The following HIPK3 variants were observed in gnomAD, a reference collection of about 807,000 sequenced individuals.
The protein encoded by HIPK3 is homeodomain-interacting protein kinase 3.
HIPK3 carries 47 observed loss-of-function variants against 124.2 expected under a neutral mutation model. That is an observed-to-expected ratio of 0.38 (90% CI 0.30 to 0.48). The LOEUF is 0.48. Among genes scored for constraint, HIPK3 ranks in the 20% least tolerant of loss-of-function variants. The pLI is 0.98. For missense variants in HIPK3, 1,286 were observed against 1,454.3 expected, an observed-to-expected ratio of 0.88 and a Z score of 1.88; for synonymous variants, 482 against 515.2, an observed-to-expected ratio of 0.94 and a Z score of 0.87.
At position 33,338,786 on chromosome 11, in the gene HIPK3, A is replaced by C. The variant is rs756677046; in HGVS notation, c.1371A>C (p.Gly457=). 3 of 1,612,266 alleles carry C rather than the reference A, an allele frequency of 1.9e-6. No homozygotes were observed. The African/African-American group carries it at 4.0e-5, about 22-fold the overall frequency. The change falls in exon 5 of 17, where the codon GGA becomes GGC. Residue 457 remains glycine (G), a synonymous_variant. Coordinates refer to ENST00000303296, the MANE Select transcript of HIPK3 (RefSeq NM_005734.5). ...TGGAAGAGCATGAGGCAGAGACAGG[A>C]ATGAAGTCTAAAGAAGCCAGAAAAT... ...KTLEEHEAET[G]MKSKEARKYI...
chr11:33,307,976 G>C (rs992598183), intron 2 of HIPK3, among the ~76,000 whole-genome samples: 1 of 151,924 alleles, frequency 6.6e-6, no homozygotes, highest in Admixed American at 6.6e-5. Flanking sequence ...TGCCATTTGT[G>C]TCCTATTTAA....
rs183052934 is a variant in HIPK3, at chr11:33,278,360, A to C, written c.-2-8053A>C. Among the ~76,000 whole-genome samples, 658 of 152,326 alleles carry C rather than the reference A, an allele frequency of 4.3e-3. 8 individuals are homozygous for C. Among genetic ancestry groups the C allele is most frequent in the African/African-American group, 0.015 (637 of 41,580 alleles). On this transcript the variant is annotated intron_variant, in intron 1 of 16. Transcript: ENST00000303296. ...GATAGGTCAAAGGAAAAGAAGGACA[A>C]TATTTTGAGGACAGAATGTGAAGGG...
At chr11:33,295,677 A>G (rs534114501) in intron 2 of HIPK3, among the ~76,000 whole-genome samples, 1 of 152,246 alleles carries the variant, frequency 6.6e-6, no homozygotes, top group African/African-American at 2.4e-5. Flanking sequence ...ACTGTTCCTC[A>G]GTTTGCTTAT....
intron 1 of HIPK3, among the ~76,000 whole-genome samples, chr11:33,259,812 A>G (rs1024519285): frequency 1.1e-4 from 12 of 111,408 alleles, no homozygotes; most frequent in Admixed American, 9.9e-4. Context: ...CCCCGCCCCA[A>G]GGGGATCTCT....
Position 33,357,006 on chromosome 11 carries a change from T to A in HIPK3, c.*3438T>A, listed in dbSNP as rs1472006970. 6.6e-6 allele frequency: 1 copy of A among 152,158 alleles called. No homozygotes were observed. The highest frequency in any genetic ancestry group is 1.5e-5 in the Non-Finnish European group (1 of 67,986). 9.4% of individuals were successfully genotyped at this position (152,158 alleles called of 1,614,324 possible). Reference sequence around the variant, plus strand: ...ACTGTCGATTCACTTTGAATTAAAATATATATATTGCAGCAAACAGCTTGT... The same window carrying A: ...ACTGTCGATTCACTTTGAATTAAAAAATATATATTGCAGCAAACAGCTTGT... On this transcript the variant is annotated 3_prime_UTR_variant, in exon 17 of 17. Transcript: ENST00000303296.
chr11:33,263,816 T>C (rs1850887064), intron 1 of HIPK3, among the ~76,000 whole-genome samples: 1 of 152,194 alleles, frequency 6.6e-6, no homozygotes, highest in Non-Finnish European at 1.5e-5. Context: ...TTCTTCAATC[T>C]GAGAGACTTT....
intron 1 of HIPK3, among the ~76,000 whole-genome samples, chr11:33,277,221 A>G (rs1835206170): frequency 6.6e-6 from 1 of 152,232 alleles, no homozygotes; most frequent in East Asian, 1.9e-4. Context: ...TGTCATTTCC[A>G]TGCATGTTTT....
At chr11:33,294,758 A>G (rs1196758349) in intron 2 of HIPK3, among the ~76,000 whole-genome samples, 1 of 152,164 alleles carries the variant, frequency 6.6e-6, no homozygotes, top group Non-Finnish European at 1.5e-5. Context: ...GTCATCAGCC[A>G]CCCAGCTCAT....
chr11:33,311,271 G>A (rs1166990201), intron 2 of HIPK3, among the ~76,000 whole-genome samples: 1 of 152,018 alleles, frequency 6.6e-6, no homozygotes, highest in Non-Finnish European at 1.5e-5. Flanking sequence ...CCACAGCATT[G>A]ACCCCCTGGG....
chr11:33,324,973 A>G (rs1468963310), intron 2 of HIPK3, among the ~76,000 whole-genome samples: 1 of 152,250 alleles, frequency 6.6e-6, no homozygotes. Flanking sequence ...ATAGATAGTG[A>G]ACTTGTATAA....
At position 33,340,973 on chromosome 11, in the gene HIPK3, A is replaced by G. The variant is rs1853315022; in HGVS notation, c.1619A>G (p.Lys540Arg). The G allele has an allele frequency of 2.5e-6, 4 of 1,579,080 alleles. No individual in the cohort carries two copies. Among genetic ancestry groups the G allele is most frequent in the African/African-American group, 1.4e-5 (1 of 73,936 alleles). Residue 540 changes from lysine to arginine, a missense_variant, in exon 7 of 17, where the codon AAG becomes AGG. Lys to Arg is a conservative substitution (Grantham distance 26). This residue lies in a region of HIPK3 where 810 missense variants were observed against 864.9 expected (regional missense o/e 0.94). Coordinates refer to ENST00000303296, the MANE Select transcript of HIPK3 (RefSeq NM_005734.5). ...CTTCACTTTTTCTTTTACAGTGTAA[A>G]GTCCTGTTTTCATATTATGGATATT... ...LLDFPHSNHV[K>R]SCFHIMDICK...
At chr11:33,281,058 C>CATT (rs1851399360) in intron 1 of HIPK3, among the ~76,000 whole-genome samples, 2 of 111,808 alleles carry the variant, frequency 1.8e-5, no homozygotes, top group Non-Finnish European at 3.5e-5. Flanking sequence ...ACTTATTTGA[C>CATT]TTTTTTTTTT....
At chr11:33,351,581 CTCA>C in intron 14 of HIPK3, 24 bp from the exon 15 acceptor site, 1 of 1,522,418 alleles carries the variant, frequency 6.6e-7, no homozygotes, top group Non-Finnish European at 9.1e-7. Flanking sequence ...AAAAATATCA[CTCA>C]TAAAAAATGC....
At position 33,287,029 on chromosome 11, in the gene HIPK3, A is replaced by G; in HGVS notation, c.615A>G (p.Arg205=). The G allele has an allele frequency of 6.2e-7, 1 of 1,614,210 alleles. No individual in the cohort carries two copies. The highest frequency in any genetic ancestry group is 8.5e-7 in the Non-Finnish European group (1 of 1,180,032). ...NTYEVLDFLG[R]GTFGQVVKCW... ...ACGAAGTCCTTGATTTTCTTGGTCG[A>G]GGCACGTTTGGCCAGGTAGTTAAAT... The change falls in exon 2 of 17, where the codon CGA becomes CGG. Residue 205 remains arginine, a synonymous_variant. Transcript: ENST00000303296.
At chr11:33,344,522 TTTATC>T (rs1166798923) in intron 8 of HIPK3, among the ~76,000 whole-genome samples, 1 of 152,204 alleles carries the variant, frequency 6.6e-6, no homozygotes, top group Non-Finnish European at 1.5e-5. Context: ...AGAAAAATCT[TTTATC>T]TTTTTATATG....
chr11:33,272,878 C>T (rs1230546470), intron 1 of HIPK3, among the ~76,000 whole-genome samples: 1 of 148,352 alleles, frequency 6.7e-6, no homozygotes, highest in East Asian at 2.0e-4. Flanking sequence ...TGAGGTCTTG[C>T]TTTGTCACCC....
intron 2 of HIPK3, among the ~76,000 whole-genome samples, chr11:33,301,836 A>C (rs1852009112): frequency 6.6e-6 from 1 of 151,384 alleles, no homozygotes; most frequent in African/African-American, 2.4e-5. Flanking sequence ...ACACACACAC[A>C]CACACACACA....
intron 12 of HIPK3, 120 bp downstream of exon 12, chr11:33,348,348 A>G: frequency 8.6e-6 from 9 of 1,041,190 alleles, no homozygotes; most frequent in East Asian, 2.6e-5. Flanking sequence ...TGCAGTCTAC[A>G]TGGATATTTC....
chr11:33,356,206 A>G lies in HIPK3; in HGVS notation c.*2638A>G, dbSNP rs1425718841. On this transcript the variant is annotated 3_prime_UTR_variant, in exon 17 of 17. Transcript: ENST00000303296. ...AAATTGACATAAATGGTAAACTTCA[A>G]CATTTTCATAATACAGTATTAATGT... 2.0e-5 allele frequency: 3 copies of G among 152,028 alleles called. No homozygotes were observed. Among genetic ancestry groups the G allele is most frequent in the Non-Finnish European group, 2.9e-5 (2 of 67,896 alleles). 9.4% of individuals were successfully genotyped at this position (152,028 alleles called of 1,614,324 possible).
Sources: gnomAD v4.1 joint callset for allele counts (sites outside exome capture counted in the v4.1 genomes callset) on GRCh38, gnomAD v4.1.1 for gene constraint, gnomAD v4.1.1 regional missense constraint, MANE v1.5 for transcripts, NCBI Gene and HGNC (gene_info 2026-07-23, HGNC 2026-07-21) for gene names.